Variants in FYB1 observed in about 807,000 individuals in gnomAD.
FYB1 encodes the protein FYN-binding protein 1.
In FYB1, 41 loss-of-function variants were observed where a neutral mutation model predicts 94.1. The observed-to-expected ratio is 0.44, with a 90% CI of 0.34 to 0.57. The LOEUF (loss-of-function observed/expected upper bound fraction) is 0.57. Among genes scored for constraint, FYB1 ranks in the 20% least tolerant of loss-of-function variants. The probability of loss-of-function intolerance (pLI) is 0.02; values close to 1 mark genes in which losing one functional copy is unlikely to be tolerated. For synonymous variants in FYB1, 367 were observed against 353.2 expected, an observed-to-expected ratio of 1.04 and a Z score of -0.44; for missense variants, 1,050 against 976.8, an observed-to-expected ratio of 1.07 and a Z score of -1.00.
At chr5:39,267,066 ACT>A (rs1159177058) in intron 1 of FYB1, among the ~76,000 whole-genome samples, 1 of 152,036 alleles carries the variant, frequency 6.6e-6, no homozygotes, top group African/African-American at 2.4e-5. Flanking sequence ...AAAATTACTT[ACT>A]CTCTACAAGA....
intron 1 of FYB1, among the ~76,000 whole-genome samples, chr5:39,233,168 T>A (rs998943804): frequency 6.6e-6 from 1 of 152,186 alleles, no homozygotes; most frequent in Non-Finnish European, 1.5e-5. Flanking sequence ...CATTTCATTT[T>A]AAAAAGTTTG....
chr5:39,116,350 G>T (rs1436909721), intron 16 of FYB1, among the ~76,000 whole-genome samples: 2 of 152,112 alleles, frequency 1.3e-5, no homozygotes, highest in Non-Finnish European at 2.9e-5. Context: ...TAAGAATTTA[G>T]GTAGTTAACG....
intron 1 of FYB1, among the ~76,000 whole-genome samples, chr5:39,234,488 T>C (rs1750873050): frequency 6.6e-6 from 1 of 152,144 alleles, no homozygotes. Context: ...GTGTGGCAAT[T>C]CCTCAAGGAT....
chr5:39,248,360 A>G (rs1459220983), intron 1 of FYB1, among the ~76,000 whole-genome samples: 1 of 152,100 alleles, frequency 6.6e-6, no homozygotes, highest in Non-Finnish European at 1.5e-5. Flanking sequence ...ACACAAATGG[A>G]GAATATCCAG....
chr5:39,270,736 T>C (rs529547439), intron 1 of FYB1: 3 of 527,684 alleles, frequency 5.7e-6, no homozygotes, highest in African/African-American at 3.8e-5. Context: ...TTGCATGTTA[T>C]CTCAACCCTC....
intron 1 of FYB1, among the ~76,000 whole-genome samples, chr5:39,237,550 G>A (rs958719139): frequency 6.6e-6 from 1 of 151,816 alleles, no homozygotes; most frequent in Non-Finnish European, 1.5e-5. Flanking sequence ...TCTTGCATAG[G>A]CTATAATATA....
At position 39,134,857 on chromosome 5, in the gene FYB1, G is replaced by C; in HGVS notation, c.1673C>G (p.Ser558Ter). Residue 558 changes from serine to a stop codon, truncating the protein, a stop_gained and splice_region_variant, in exon 8 of 19, where the codon TCA becomes TGA. Coordinates refer to ENST00000512982, the MANE Select transcript of FYB1 (RefSeq NM_001465.6). LOFTEE classifies it high-confidence loss of function. ...GCCATAGAGAAATTTGCACTCACAT[G>C]AACCCCTTGCTGTTCTGCCCAACCA... ...GKWLGRTARGSYGYIKTTAVE... is the reference protein window; with the variant it reads ...GKWLGRTARG 6.2e-7 allele frequency: 1 copy of C among 1,613,792 alleles called. No homozygotes were observed. Among genetic ancestry groups the C allele is most frequent in the South Asian group, 1.1e-5 (1 of 91,066 alleles).
intron 10 of FYB1, among the ~76,000 whole-genome samples, chr5:39,129,541 A>G (rs954301109): frequency 6.6e-5 from 10 of 152,100 alleles, no homozygotes; most frequent in Admixed American, 5.9e-4. Context: ...ATGGGAGAAA[A>G]TATTTGCAAA....
intron 6 of FYB1, chr5:39,138,238 T>C (rs2150324970): frequency 5.9e-6 from 1 of 170,874 alleles, no homozygotes; most frequent in Admixed American, 5.9e-5. Context: ...TTGTTTAACA[T>C]CTTTCCACTT....
At chr5:39,130,353 G>A (rs1404594961) in intron 10 of FYB1, among the ~76,000 whole-genome samples, 1 of 152,048 alleles carries the variant, frequency 6.6e-6, no homozygotes, top group East Asian at 1.9e-4. Context: ...TAATAGTAGA[G>A]TAGGGTGACT....
intron 1 of FYB1, among the ~76,000 whole-genome samples, chr5:39,210,340 C>A (rs554435333): frequency 3.9e-5 from 6 of 152,226 alleles, no homozygotes; most frequent in African/African-American, 1.2e-4. Context: ...CCACAGATAT[C>A]GCTGTGCATT....
chr5:39,139,609 T>G (rs969243761), intron 4 of FYB1: 1 of 157,042 alleles, frequency 6.4e-6, no homozygotes, highest in African/African-American at 2.4e-5. Flanking sequence ...TTTTTACTTA[T>G]TAGTTCCCAA....
intron 1 of FYB1, among the ~76,000 whole-genome samples, chr5:39,215,198 T>TA (rs1749748481): frequency 6.6e-6 from 1 of 152,208 alleles, no homozygotes; most frequent in African/African-American, 2.4e-5. Flanking sequence ...ATGTATATTT[T>TA]ACCATAATTA....
intron 1 of FYB1, among the ~76,000 whole-genome samples, chr5:39,224,937 AT>A: frequency 6.6e-6 from 1 of 152,318 alleles, no homozygotes; most frequent in East Asian, 1.9e-4. Context: ...CTAGAAATGC[AT>A]TTATATTACG....
intron 3 of FYB1, among the ~76,000 whole-genome samples, chr5:39,146,802 C>T (rs868851943): frequency 6.6e-6 from 1 of 151,952 alleles, no homozygotes; most frequent in African/African-American, 2.4e-5. Context: ...CTTAGTGCCA[C>T]TTTATATAGG....
At chr5:39,262,106 A>C (rs1026345464) in intron 1 of FYB1, among the ~76,000 whole-genome samples, 7 of 152,234 alleles carry the variant, frequency 4.6e-5, no homozygotes, top group African/African-American at 7.2e-5. Context: ...AATTTCTTAA[A>C]AGGACATCAA....
In FYB1 at chr5:39,137,624, T is replaced by C. The variant is rs1741780049; in HGVS notation, c.1491A>G (p.Glu497=). The change falls in exon 7 of 19, where the codon GAA becomes GAG. Residue 497 remains glutamate (E), a synonymous_variant. Transcript: ENST00000512982. ...CTTTAAATTTCTTCTTTATTTCTTGTTCTTTCTTTTCTTTCTCTTTCTGTT... is the reference window on the plus strand; with the variant it reads ...CTTTAAATTTCTTCTTTATTTCTTGCTCTTTCTTTTCTTTCTCTTTCTGTT... ...KKEQKEKEKK[E]QEIKKKFKLT... The C allele has an allele frequency of 6.5e-7, 1 of 1,535,398 alleles. No individual in the cohort carries two copies. Among genetic ancestry groups the C allele is most frequent in the Non-Finnish European group, 8.8e-7 (1 of 1,133,786 alleles).
intron 1 of FYB1, among the ~76,000 whole-genome samples, chr5:39,233,112 T>C (rs1750820442): frequency 6.6e-6 from 1 of 152,300 alleles, no homozygotes; most frequent in African/African-American, 2.4e-5. Context: ...CAAATGGTAT[T>C]TCTAGTTCTA....
rs3085950 is a variant in FYB1, at chr5:39,247,071, C to CATATAT, written c.-28+27326_-28+27331dup. Among the ~76,000 whole-genome samples, 154 of 65,608 alleles carry CATATAT rather than the reference C, an allele frequency of 2.3e-3. 1 individual carries two copies. Among genetic ancestry groups the CATATAT allele is most frequent in the Admixed American group, 3.7e-3 (19 of 5,136 alleles). The allele number at this position is 65,608 out of a possible 152,430, so 43.0% of individuals were successfully genotyped here. ...ATGGTGCACACACAAAATGCGTGTT[C>CATATAT]ATATATATATATATATATATATATA... On this transcript the variant is annotated intron_variant, in intron 1 of 1. Coordinates refer to the FYB1 transcript ENST00000510188.
Sources: allele counts gnomAD v4.1 joint callset (sites outside exome capture counted in the v4.1 genomes callset), GRCh38; gene constraint gnomAD v4.1.1; transcripts MANE v1.5; gene names NCBI Gene and HGNC (gene_info 2026-07-23, HGNC 2026-07-21).